Variants in RGS18 observed in about 807,000 individuals in gnomAD.
RGS18 encodes the protein regulator of G protein signaling 18.
In RGS18, 22 loss-of-function variants were observed where a neutral mutation model predicts 27.6. The observed-to-expected ratio is 0.80, with a 90% CI of 0.57 to 1.14. The LOEUF is 1.14. Among genes scored for constraint, RGS18 ranks in the 50% most tolerant of loss-of-function variants. The pLI is 0.00. For missense variants in RGS18, 299 were observed against 269.6 expected (o/e 1.11, Z -0.76); for synonymous variants, 89 against 84.6 (o/e 1.05, Z -0.29).
chr1:192,177,508 C>T (rs1656377834), intron 3 of RGS18, among the ~76,000 whole-genome samples: 1 of 151,690 alleles, frequency 6.6e-6, no homozygotes. Context: ...AGACAAGGGT[C>T]TTCGTCTTAT....
At chr1:192,167,829 A>G (rs12088175) in intron 3 of RGS18, 183 of 152,328 alleles carry the variant, frequency 1.2e-3, no homozygotes, top group African/African-American at 4.2e-3. Context: ...ACCACATTCT[A>G]TGGCAAATCA....
At chr1:192,165,694 T>C (rs1418944232) in intron 3 of RGS18, among the ~76,000 whole-genome samples, 1 of 152,244 alleles carries the variant, frequency 6.6e-6, no homozygotes, top group Non-Finnish European at 1.5e-5. Flanking sequence ...AATATTTCTG[T>C]AAATCTAAAT....
chr1:192,163,527 C>T (rs112052725), intron 3 of RGS18: 6 of 152,230 alleles, frequency 3.9e-5, no homozygotes, highest in African/African-American at 1.4e-4. Context: ...TTGCTACTCT[C>T]TCTTTTCTCT....
chr1:192,184,439 A>G lies in RGS18; in HGVS notation c.593A>G (p.Tyr198Cys). ...ACACGTTTTCTGAAATCTGACATCTATTTAGACTTGATGGAAGGAAGACCT... is the reference window on the plus strand; with the variant it reads ...ACACGTTTTCTGAAATCTGACATCTGTTTAGACTTGATGGAAGGAAGACCT... ...SYTRFLKSDIYLDLMEGRPQR... is the reference protein window; with the variant it reads ...SYTRFLKSDICLDLMEGRPQR... Residue 198 changes from tyrosine to cysteine, a missense_variant, in exon 5 of 5, where the codon TAT (tyrosine) becomes TGT (cysteine). By Grantham distance (194) the Tyr-to-Cys change is radical. Coordinates refer to ENST00000367460, the MANE Select transcript of RGS18 (RefSeq NM_130782.3). 4.3e-6 allele frequency: 7 copies of G among 1,611,884 alleles called. No homozygotes were observed. Among genetic ancestry groups the G allele is most frequent in the Admixed American group, 1.7e-5 (1 of 59,780 alleles).
intron 3 of RGS18, among the ~76,000 whole-genome samples, chr1:192,172,874 T>TATATATATATATAA (rs1368972153): frequency 7.2e-6 from 1 of 138,736 alleles, no homozygotes; most frequent in East Asian, 2.1e-4. Flanking sequence ...CATATATATA[T>TATATATATATATAA]ATATATATAA....
intron 3 of RGS18, among the ~76,000 whole-genome samples, chr1:192,181,021 A>AG (rs1656443638): frequency 6.6e-6 from 1 of 151,682 alleles, no homozygotes; most frequent in East Asian, 2.0e-4. Context: ...GGTCCACCGT[A>AG]GGGGGTCCCT....
chr1:192,185,643 GT>G lies in RGS18; in HGVS notation c.*1090del, dbSNP rs1471385573. ...TTTAAAGAGATATTTAATTTTTAAT[GT>G]GTGTTACATGGTCTGTAAATATTTG... On this transcript the variant is annotated 3_prime_UTR_variant, in exon 5 of 5. Transcript: ENST00000367460. The G allele has an allele frequency of 6.6e-6, 1 of 151,584 alleles. No individual in the cohort carries two copies. The highest frequency in any genetic ancestry group is 1.5e-5 in the Non-Finnish European group (1 of 67,710). 9.4% of individuals were successfully genotyped at this position (151,584 alleles called of 1,614,324 possible). A position where few individuals can be genotyped will look rare whatever the true frequency, so the allele number is the denominator to read the frequency against.
At chr1:192,167,334 G>T (rs1159455813) in intron 3 of RGS18, among the ~76,000 whole-genome samples, 4 of 151,710 alleles carry the variant, frequency 2.6e-5, no homozygotes, top group Non-Finnish European at 5.9e-5. Context: ...CCTAATTTTT[G>T]GTTACCAATT....
At chr1:192,160,014 T>C (rs1180215308) in intron 2 of RGS18, among the ~76,000 whole-genome samples, 1 of 152,102 alleles carries the variant, frequency 6.6e-6, no homozygotes, top group African/African-American at 2.4e-5. Flanking sequence ...AACTGAAAGA[T>C]ACTGTGAGTT....
chr1:192,172,062 T>C lies in RGS18; in HGVS notation c.284-9230T>C, dbSNP rs997875671. On this transcript the variant is annotated intron_variant, in intron 3 of 4. Transcript: ENST00000367460. ...GGCAGAATTAAGCTGTTTGCAGTTA[T>C]AGACCAACTACTTCCTTCCCTTGCT... is the stretch of plus-strand genomic sequence containing the variant. 2.0e-5 allele frequency among the ~76,000 whole-genome samples: 3 copies of C among 152,202 alleles called. 1 individual carries two copies. The highest frequency in any genetic ancestry group is 4.1e-4 in the South Asian group (2 of 4,824).
intron 3 of RGS18, among the ~76,000 whole-genome samples, chr1:192,162,396 C>T (rs1267850978): frequency 6.6e-6 from 1 of 152,090 alleles, no homozygotes; most frequent in East Asian, 1.9e-4. Context: ...GCAACCTCCA[C>T]CTCTTGGGTT....
In RGS18 at chr1:192,185,213, C is replaced by T. The variant is rs1486493206; in HGVS notation, c.*659C>T. The T allele has an allele frequency of 6.6e-6, 1 of 151,658 alleles. No individual in the cohort carries two copies. The allele number at this position is 151,658 out of a possible 1,614,324, so 9.4% of individuals were successfully genotyped here. On this transcript the variant is annotated 3_prime_UTR_variant, in exon 5 of 5. Coordinates refer to ENST00000367460, the MANE Select transcript of RGS18 (RefSeq NM_130782.3). ...ACTGAGAATAAGATCCACATTTGAACTCATTCCTAAGTGAACATGGACGTA... is the reference window on the plus strand; with the variant it reads ...ACTGAGAATAAGATCCACATTTGAATTCATTCCTAAGTGAACATGGACGTA...
intron 3 of RGS18, among the ~76,000 whole-genome samples, chr1:192,164,391 A>T (rs1011356921): frequency 8.5e-5 from 13 of 152,194 alleles, no homozygotes; most frequent in African/African-American, 3.1e-4. Flanking sequence ...CATGAGACCA[A>T]AACAGAAAGG....
chr1:192,170,366 A>G (rs1656234401), intron 3 of RGS18, among the ~76,000 whole-genome samples: 1 of 152,068 alleles, frequency 6.6e-6, no homozygotes, highest in Admixed American at 6.6e-5. Flanking sequence ...TCATTCTTTT[A>G]GTTAACATGC....
At position 192,185,603 on chromosome 1, in the gene RGS18, T is replaced by A. The variant is rs548286299; in HGVS notation, c.*1049T>A. The A allele has an allele frequency of 7.4e-4, 113 of 151,812 alleles. 1 individual carries two copies. The highest frequency in any genetic ancestry group is 2.5e-3 in the African/African-American group (105 of 41,506). The allele number at this position is 151,812 out of a possible 1,614,324, so 9.4% of individuals were successfully genotyped here. On this transcript the variant is annotated 3_prime_UTR_variant, in exon 5 of 5. Coordinates refer to ENST00000367460, the MANE Select transcript of RGS18 (RefSeq NM_130782.3). ...ATTCAAATAAGATTATACTCATACA[T>A]CTATATGTCACTGTTTTAAAGAGAT...
Position 192,184,069 on chromosome 1 carries a change from A to G in RGS18, c.451-228A>G, listed in dbSNP as rs536904528. ...AGCACTAAGGAGATGGTGCTAAACC[A>G]TTCATGGGAAATCCACCCCCATGAT... On this transcript the variant is annotated intron_variant, in intron 4 of 4. Transcript: ENST00000367460. Among the ~76,000 whole-genome samples, 19 of 151,692 alleles carry G rather than the reference A, an allele frequency of 1.3e-4. No homozygotes were observed. The Middle Eastern group carries it at 0.01, about 81-fold the overall frequency.
At position 192,158,734 on chromosome 1, in the gene RGS18, ACAAG is replaced by A. The variant is rs1242947542; in HGVS notation, c.101_104del (p.Ser34LysfsTer14). Reference sequence around the variant, plus strand: ...AATACATGGTTCAGGAAAAGAAGAAACAAGCAAAGAAGCCAAAATCAGGTAAAAT... The same window carrying A: ...AATACATGGTTCAGGAAAAGAAGAAACAAAGAAGCCAAAATCAGGTAAAAT... On this transcript the variant is annotated frameshift_variant, in exon 1 of 5. Coordinates refer to ENST00000367460, the MANE Select transcript of RGS18 (RefSeq NM_130782.3). LOFTEE classifies it high-confidence loss of function. 6.4e-7 allele frequency: 1 copy of A among 1,574,704 alleles called. No homozygotes were observed. Among genetic ancestry groups the A allele is most frequent in the African/African-American group, 1.4e-5 (1 of 72,746 alleles).
rs76054300 is a variant in RGS18, at chr1:192,182,212, G to A, written c.450+754G>A. Among the ~76,000 whole-genome samples, 13 of 151,590 alleles carry A rather than the reference G, an allele frequency of 8.6e-5. No homozygotes were observed. In the East Asian group the frequency reaches 1.2e-3, roughly 14 times the overall value. ...AATTCCTTTAGATATATACCTAGAC[G>A]TAGAATGGCTGGATCGTATGATAGT... On this transcript the variant is annotated intron_variant, in intron 4 of 4. Transcript: ENST00000367460.
At chr1:192,175,383 C>T (rs1300039985) in intron 3 of RGS18, among the ~76,000 whole-genome samples, 4 of 151,592 alleles carry the variant, frequency 2.6e-5, no homozygotes, top group Non-Finnish European at 5.9e-5. Context: ...ATGTGGTCTT[C>T]CCTTATAGAG....
Sources: allele counts gnomAD v4.1 joint callset (sites outside exome capture counted in the v4.1 genomes callset), GRCh38; gene constraint gnomAD v4.1.1; transcripts MANE v1.5; gene names NCBI Gene and HGNC (gene_info 2026-07-23, HGNC 2026-07-21).